CRACD: variants seen among roughly 807,000 people sequenced by gnomAD.
CRACD encodes capping protein inhibiting regulator of actin dynamics.
Under a neutral mutation model 106.8 loss-of-function variants are expected in CRACD, and 56 were observed. That is an observed-to-expected ratio of 0.52 (90% CI 0.42 to 0.66). The LOEUF (loss-of-function observed/expected upper bound fraction) is 0.66. Ranked by LOEUF, CRACD falls within the 30% of genes least tolerant of loss-of-function variation. CRACD has a pLI of 0.00. For missense variants in CRACD, 1,730 were observed against 1,623.2 expected (o/e 1.07, Z -1.13); for synonymous variants, 754 against 670.8 (o/e 1.12, Z -1.92).
At chr4:56,162,362 A>C (rs1376162176) in intron 1 of CRACD, among the ~76,000 whole-genome samples, 1 of 151,844 alleles carries the variant, frequency 6.6e-6, no homozygotes, top group Non-Finnish European at 1.5e-5. Context: ...GCCCCTGCTA[A>C]TTCTTGTGGT....
intron 1 of CRACD, among the ~76,000 whole-genome samples, chr4:56,065,929 G>T (rs1732451555): frequency 6.6e-6 from 1 of 152,122 alleles, no homozygotes; most frequent in African/African-American, 2.4e-5. Flanking sequence ...TGTAAATGGG[G>T]TCATTCAATA....
intron 2 of CRACD, among the ~76,000 whole-genome samples, chr4:56,251,450 C>A (rs539124623): frequency 1.3e-5 from 2 of 152,254 alleles, no homozygotes; most frequent in South Asian, 2.1e-4. Context: ...TTTCCTTTAG[C>A]CCAGGCCAGA....
At chr4:56,176,433 T>TG (rs1560472666) in intron 1 of CRACD, among the ~76,000 whole-genome samples, 2 of 148,142 alleles carry the variant, frequency 1.4e-5, no homozygotes, top group African/African-American at 4.9e-5. Flanking sequence ...TCCAATTTCT[T>TG]TTTTTTTTTT....
rs553178806 is a variant in CRACD, at chr4:56,300,019, T to TG, written c.120+1670_120+1671insG. ...TGGGCGTGGTGGCAGGCGCCTGTAG[T>TG]CCCAGCTACTCAGGAGGCTGAGGCA... On this transcript the variant is annotated intron_variant, in intron 4 of 10. Coordinates refer to ENST00000682029, the MANE Select transcript of CRACD (RefSeq NM_001393381.1). 8.2e-3 allele frequency among the ~76,000 whole-genome samples: 1,242 copies of TG among 152,006 alleles called. 12 individuals carry two copies. Among genetic ancestry groups the TG allele is most frequent in the African/African-American group, 0.029 (1,192 of 41,450 alleles).
At chr4:56,273,007 C>T (rs755488771) in intron 3 of CRACD, among the ~76,000 whole-genome samples, 3 of 151,860 alleles carry the variant, frequency 2.0e-5, no homozygotes, top group Non-Finnish European at 4.4e-5. Flanking sequence ...ATGAGTCTGA[C>T]CTCATTTTCT....
intron 1 of CRACD, among the ~76,000 whole-genome samples, chr4:56,082,275 AG>A (rs1733059985): frequency 1.3e-5 from 2 of 152,208 alleles, no homozygotes; most frequent in South Asian, 4.1e-4. Flanking sequence ...AAAAGCAGGA[AG>A]GAGCTTGACA....
chr4:56,180,188 C>G (rs549807782), intron 2 of CRACD, among the ~76,000 whole-genome samples: 2 of 151,768 alleles, frequency 1.3e-5, no homozygotes, highest in African/African-American at 2.4e-5. Flanking sequence ...ATCTGCCTCC[C>G]CTGTAAAAAT....
At chr4:56,159,077 G>A (rs936405496) in intron 1 of CRACD, among the ~76,000 whole-genome samples, 2 of 152,270 alleles carry the variant, frequency 1.3e-5, no homozygotes, top group Middle Eastern at 3.4e-3. Context: ...GTGTTGTGAC[G>A]ACGTCTCACC....
chr4:56,287,846 A>G (rs1315502758), intron 3 of CRACD, among the ~76,000 whole-genome samples: 1 of 152,212 alleles, frequency 6.6e-6, no homozygotes, highest in African/African-American at 2.4e-5. Flanking sequence ...CTGTCTTTCT[A>G]AACCCATAAT....
At chr4:56,282,157 G>A (rs1743073868) in intron 3 of CRACD, among the ~76,000 whole-genome samples, 1 of 152,100 alleles carries the variant, frequency 6.6e-6, no homozygotes, top group African/African-American at 2.4e-5. Context: ...CTGATCAATT[G>A]CAATTGCCCC....
At chr4:56,067,798 G>A (rs1187287758) in intron 1 of CRACD, among the ~76,000 whole-genome samples, 3 of 152,130 alleles carry the variant, frequency 2.0e-5, no homozygotes, top group African/African-American at 7.2e-5. Flanking sequence ...CTAGACCCGA[G>A]CTTCTGACCT....
rs1050679688 is a variant in CRACD at position 56,271,890 on chromosome 4, G to A, written c.-188-431G>A. ...TTCCTAAGTAGCCAAGACTAAAGGC[G>A]TGCACCACCAACCCGACTAATTTTC... On this transcript the variant is annotated intron_variant, in intron 2 of 10. Coordinates refer to ENST00000682029, the MANE Select transcript of CRACD (RefSeq NM_001393381.1). Among the ~76,000 whole-genome samples, 16 of 152,024 alleles carry A rather than the reference G, an allele frequency of 1.1e-4. 1 individual carries two copies. Among genetic ancestry groups the A allele is most frequent in the Admixed American group, 7.9e-4 (12 of 15,226 alleles).
intron 6 of CRACD, among the ~76,000 whole-genome samples, chr4:56,312,808 A>G (rs1182303532): frequency 6.6e-6 from 1 of 152,212 alleles, no homozygotes; most frequent in African/African-American, 2.4e-5. Flanking sequence ...CATAGCACAA[A>G]AAGCAACCAA....
At chr4:56,327,086 C>A (rs1746500328) in intron 10 of CRACD, among the ~76,000 whole-genome samples, 2 of 152,148 alleles carry the variant, frequency 1.3e-5, no homozygotes, top group African/African-American at 4.8e-5. Context: ...CTGGGTTGAT[C>A]TTTTTCTTCA....
At chr4:56,225,002 C>T (rs542019574) in intron 2 of CRACD, among the ~76,000 whole-genome samples, 5 of 152,320 alleles carry the variant, frequency 3.3e-5, no homozygotes, top group African/African-American at 9.6e-5. Context: ...TCAGTGTCCA[C>T]CTGAAGTCTT....
chr4:56,154,640 T>G (rs1735708299), intron 1 of CRACD, among the ~76,000 whole-genome samples: 1 of 152,214 alleles, frequency 6.6e-6, no homozygotes, highest in African/African-American at 2.4e-5. Flanking sequence ...AAAAAATAGC[T>G]TATTTTTACA....
At chr4:56,166,690 A>AAAAAAAC (rs1736169639) in intron 1 of CRACD, among the ~76,000 whole-genome samples, 1 of 151,740 alleles carries the variant, frequency 6.6e-6, no homozygotes, top group African/African-American at 2.4e-5. Context: ...AAAAAAAAAA[A>AAAAAAAC]AACCATTTAA....
chr4:56,218,844 C>G (rs1738879488), intron 2 of CRACD, among the ~76,000 whole-genome samples: 1 of 152,100 alleles, frequency 6.6e-6, no homozygotes, highest in Admixed American at 6.5e-5. Context: ...GGAAGAATCT[C>G]ACAAGAATTA....
intron 8 of CRACD, 43 bp from the exon 9 acceptor site, chr4:56,323,334 A>G (rs2109797770): frequency 1.9e-6 from 3 of 1,548,232 alleles, no homozygotes; most frequent in Non-Finnish European, 2.6e-6. Flanking sequence ...GTAAGTCCGC[A>G]GTTAAGTTCA....
Sources: allele counts gnomAD v4.1 joint callset (sites outside exome capture counted in the v4.1 genomes callset), GRCh38; gene constraint gnomAD v4.1.1; transcripts MANE v1.5; gene names NCBI Gene and HGNC (gene_info 2026-07-23, HGNC 2026-07-21).